WWOX: variants seen among roughly 807,000 people sequenced by gnomAD.
The protein encoded by WWOX is WW domain containing oxidoreductase.
WWOX carries 69 observed loss-of-function variants against 46.2 expected under a neutral mutation model. The observed-to-expected ratio is 1.49, with a 90% CI of 1.23 to 1.82. The LOEUF is 1.82. Ranked by LOEUF, WWOX falls within the 40% of genes most tolerant of loss-of-function variation. The pLI is 0.00. For missense variants in WWOX, 919 were observed against 542.6 expected, an observed-to-expected ratio of 1.69 and a Z score of -6.89; for synonymous variants, 359 against 202.6, an observed-to-expected ratio of 1.77 and a Z score of -6.56.
intron 5 of WWOX, among the ~76,000 whole-genome samples, chr16:78,174,169 G>C (rs2035255629): frequency 1.3e-5 from 2 of 152,162 alleles, no homozygotes; most frequent in African/African-American, 2.4e-5. Context: ...CCACGACTGG[G>C]AAGAAAAAGA....
chr16:78,486,131 C>A (rs990058220), intron 8 of WWOX, among the ~76,000 whole-genome samples: 1 of 152,150 alleles, frequency 6.6e-6, no homozygotes, highest in African/African-American at 2.4e-5. Flanking sequence ...GTTGAACAAC[C>A]TGCTCTGTTG....
intron 5 of WWOX, among the ~76,000 whole-genome samples, chr16:78,199,206 G>A (rs1310298810): frequency 6.6e-6 from 1 of 152,030 alleles, no homozygotes; most frequent in Non-Finnish European, 1.5e-5. Context: ...CAAGCTACTC[G>A]GGAGGCTGAG....
chr16:79,046,773 G>C (rs1271073451), intron 8 of WWOX, among the ~76,000 whole-genome samples: 3 of 152,030 alleles, frequency 2.0e-5, no homozygotes, highest in Admixed American at 6.6e-5. Flanking sequence ...GGTGTGTGTG[G>C]GCAACTTCAC....
At chr16:78,764,291 G>A (rs867814394) in intron 8 of WWOX, among the ~76,000 whole-genome samples, 1 of 151,730 alleles carries the variant, frequency 6.6e-6, no homozygotes, top group Non-Finnish European at 1.5e-5. Context: ...CTGCCACCCA[G>A]TCCAGTGAGT....
chr16:78,219,559 T>C (rs1312106490), intron 5 of WWOX, among the ~76,000 whole-genome samples: 1 of 152,196 alleles, frequency 6.6e-6, no homozygotes, highest in African/African-American at 2.4e-5. Context: ...TCTCAGAGCT[T>C]GTCTCCTATG....
At chr16:78,266,571 T>C (rs1724440432) in intron 5 of WWOX, among the ~76,000 whole-genome samples, 1 of 152,216 alleles carries the variant, frequency 6.6e-6, no homozygotes, top group African/African-American at 2.4e-5. Context: ...ACTAGCCTGC[T>C]TGAGTCTAGT....
chr16:78,704,521 T>C (rs1380464189), intron 8 of WWOX, among the ~76,000 whole-genome samples: 1 of 152,164 alleles, frequency 6.6e-6, no homozygotes, highest in African/African-American at 2.4e-5. Context: ...ACAACGAGAC[T>C]TAGTATCTGT....
intron 8 of WWOX, among the ~76,000 whole-genome samples, chr16:78,533,275 G>A (rs1439927475): frequency 6.6e-6 from 1 of 152,104 alleles, no homozygotes; most frequent in Non-Finnish European, 1.5e-5. Flanking sequence ...GGGCATGGTG[G>A]CTCATGCCTG....
intron 5 of WWOX, among the ~76,000 whole-genome samples, chr16:78,187,926 A>G (rs1012385352): frequency 1.3e-5 from 2 of 152,206 alleles, no homozygotes; most frequent in South Asian, 4.1e-4. Context: ...CCCAGGCATT[A>G]AGACCTAGTA....
chr16:78,531,986 A>G (rs2043634332), intron 8 of WWOX, among the ~76,000 whole-genome samples: 2 of 152,070 alleles, frequency 1.3e-5, no homozygotes, highest in South Asian at 4.1e-4. Context: ...GTAATAAACA[A>G]ATAAGTTTTG....
At chr16:78,123,402 C>G (rs145070884) in intron 4 of WWOX, 5 of 136,338 alleles carry the variant, frequency 3.7e-5, no homozygotes, top group Non-Finnish European at 6.4e-5. Context: ...TTTTGAACGC[C>G]TTGGTGACCC....
chr16:78,901,057 C>G (rs2044819871), intron 8 of WWOX, among the ~76,000 whole-genome samples: 1 of 152,180 alleles, frequency 6.6e-6, no homozygotes, highest in African/African-American at 2.4e-5. Flanking sequence ...AGACCCAACC[C>G]TTGTATCAGA....
At chr16:78,164,310 G>GT (rs779488753) in intron 5 of WWOX, 21 bp downstream of exon 5, 152 of 1,598,272 alleles carry the variant, frequency 9.5e-5, no homozygotes, top group Non-Finnish European at 1.2e-4. Context: ...GACTGTTGTT[G>GT]TTTTTTTTAA....
At chr16:78,874,287 G>T (rs183461269) in intron 8 of WWOX, among the ~76,000 whole-genome samples, 6 of 150,396 alleles carry the variant, frequency 4.0e-5, no homozygotes, top group Non-Finnish European at 8.9e-5. Flanking sequence ...CATTTGAGCC[G>T]CCAGGAAAGG....
At chr16:78,734,902 G>A in intron 8 of WWOX, among the ~76,000 whole-genome samples, 1 of 112,656 alleles carries the variant, frequency 8.9e-6, no homozygotes, top group Non-Finnish European at 1.7e-5. Flanking sequence ...GTCTGGCTCT[G>A]TTGGCTAGGC....
intron 8 of WWOX, among the ~76,000 whole-genome samples, chr16:78,539,997 T>TTCTCTC (rs536466074): frequency 1.5e-5 from 2 of 133,022 alleles, no homozygotes; most frequent in Non-Finnish European, 3.3e-5. Context: ...CTCTCTCTCT[T>TTCTCTC]TCTCTCTCTC....
intron 8 of WWOX, among the ~76,000 whole-genome samples, chr16:78,466,055 G>A (rs142088400): frequency 6.6e-6 from 1 of 151,134 alleles, no homozygotes; most frequent in South Asian, 2.1e-4. Flanking sequence ...TTTTTGAGAC[G>A]GAGTCTTGCT....
At chr16:78,392,131 C>T (rs1453948900) in intron 6 of WWOX, among the ~76,000 whole-genome samples, 1 of 151,942 alleles carries the variant, frequency 6.6e-6, no homozygotes, top group African/African-American at 2.4e-5. Flanking sequence ...AATTGGGTGG[C>T]ATGGCAGGGA....
rs898142040 is a variant in WWOX at position 79,000,404 on chromosome 16, C to G, written c.1057-211204C>G. Among the ~76,000 whole-genome samples the G allele has an allele frequency of 4.6e-5, 7 of 152,260 alleles. No homozygotes were observed. The East Asian group carries it at 9.7e-4, about 21-fold the overall frequency. On this transcript the variant is annotated intron_variant, in intron 8 of 8. Transcript: ENST00000566780. ...CAGATGGAGTTAAGGTTGCTATTCA[C>G]TCATCTTCAGATTGAAAGATCATCC...
Sources: gnomAD v4.1 joint callset for allele counts (sites outside exome capture counted in the v4.1 genomes callset) on GRCh38, gnomAD v4.1.1 for gene constraint, MANE v1.5 for transcripts, NCBI Gene and HGNC (gene_info 2026-07-23, HGNC 2026-07-21) for gene names.